The following ARPC3 variants were observed in gnomAD, a reference collection of about 807,000 sequenced individuals.
The protein encoded by ARPC3 is actin related protein 2/3 complex subunit 3.
A neutral mutation model predicts 27.6 loss-of-function variants in ARPC3; 12 were observed. The ratio of observed to expected loss-of-function variants is 0.43; its 90% CI spans 0.28 to 0.70. The LOEUF (loss-of-function observed/expected upper bound fraction) is 0.70. Among genes scored for constraint, ARPC3 ranks in the 30% least tolerant of loss-of-function variants. ARPC3 has a pLI of 0.17. For synonymous variants in ARPC3, 53 were observed against 67.2 expected, an observed-to-expected ratio of 0.79 and a Z score of 1.03; for missense variants, 153 against 207.7, an observed-to-expected ratio of 0.74 and a Z score of 1.62.
chr12:110,450,154 C>CCT, intron 1 of ARPC3, 101 bp downstream of exon 1: 3 of 1,530,144 alleles, frequency 2.0e-6, no homozygotes, highest in Non-Finnish European at 1.8e-6. Context: ...GCCCCAGCTT[C>CCT]CTCTCTGCCT....
chr12:110,440,458 C>T, intron 2 of ARPC3, 70 bp from the exon 3 acceptor site: 1 of 1,053,846 alleles, frequency 9.5e-7, no homozygotes, highest in Non-Finnish European at 1.5e-6. Flanking sequence ...CTATCAAAGC[C>T]ATAAAGGGAA....
intron 3 of ARPC3, 53 bp downstream of exon 3, chr12:110,440,259 G>T: frequency 8.3e-7 from 1 of 1,204,008 alleles, no homozygotes; most frequent in Non-Finnish European, 1.2e-6. Flanking sequence ...TAGCAAGGTT[G>T]GTATTATCCC....
At chr12:110,435,817 G>C (rs1351853376) in intron 6 of ARPC3, among the ~76,000 whole-genome samples, 1 of 151,866 alleles carries the variant, frequency 6.6e-6, no homozygotes. Context: ...TAGAGATGGG[G>C]GTTTCACCAT....
chr12:110,442,183 A>T (rs2062441413), intron 2 of ARPC3, among the ~76,000 whole-genome samples: 2 of 152,154 alleles, frequency 1.3e-5, no homozygotes, highest in South Asian at 4.1e-4. Context: ...AAAATTTTTA[A>T]TTGTCACCTT....
chr12:110,449,059 C>G (rs1348586822), intron 1 of ARPC3, among the ~76,000 whole-genome samples: 1 of 151,796 alleles, frequency 6.6e-6, no homozygotes, highest in Non-Finnish European at 1.5e-5. Context: ...CAGGCGTGAG[C>G]CACTGCGCCT....
chr12:110,445,994 T>C (rs12311902), intron 1 of ARPC3, among the ~76,000 whole-genome samples: 29,318 of 151,074 alleles, frequency 0.19, 3,977 homozygotes, highest in African/African-American at 0.39. Flanking sequence ...GTCCCAGCCA[T>C]GTGGGAGGCT....
intron 3 of ARPC3, among the ~76,000 whole-genome samples, chr12:110,439,076 C>T: frequency 6.6e-6 from 1 of 150,554 alleles, no homozygotes; most frequent in East Asian, 2.0e-4. Context: ...ACCATCACCT[C>T]CTGGGTTCAA....
At position 110,434,989 on chromosome 12, in the gene ARPC3, C is replaced by T. The variant is rs1033591243; in HGVS notation, c.*166G>A. 5 of 719,300 alleles carry T rather than the reference C, an allele frequency of 7.0e-6. No homozygotes were observed. The African/African-American group carries it at 8.7e-5, about 13-fold the overall frequency. 44.6% of individuals were successfully genotyped at this position (719,300 alleles called of 1,614,324 possible). A position where few individuals can be genotyped will look rare whatever the true frequency, so the allele number is the denominator to read the frequency against. On this transcript the variant is annotated 3_prime_UTR_variant, in exon 7 of 7. Coordinates refer to ENST00000228825, the MANE Select transcript of ARPC3 (RefSeq NM_001278556.2). ...AAAATTTCAAATCACCCTTGATAAC[C>T]CACTTTCTTTTCTCCCACCCAAATT...
chr12:110,450,148 C>T, intron 1 of ARPC3, 107 bp downstream of exon 1: 1 of 1,507,804 alleles, frequency 6.6e-7, no homozygotes, highest in Admixed American at 1.9e-5. Flanking sequence ...TCTCGGGCCC[C>T]AGCTTCCTCT....
chr12:110,450,128 C>T (rs1161679796), intron 1 of ARPC3, 127 bp downstream of exon 1: 6 of 1,373,086 alleles, frequency 4.4e-6, no homozygotes, highest in East Asian at 2.5e-5. Flanking sequence ...CCTCCCCTCG[C>T]CTCCCTCCTT....
In ARPC3 at chr12:110,436,711, T is replaced by TACACACAC. The variant is rs375877607; in HGVS notation, c.253-36_253-29dup. 3.7e-3 allele frequency: 1,408 copies of TACACACAC among 382,042 alleles called. 19 individuals are homozygous for TACACACAC. The highest frequency in any genetic ancestry group is 0.031 in the African/African-American group (1,120 of 36,422). The allele number at this position is 382,042 out of a possible 1,614,324, so 23.7% of individuals were successfully genotyped here. On this transcript the variant is annotated intron_variant, in intron 4 of 6. Transcript: ENST00000228825. ...GGAAAAAAAAATATATATATATATA[T>TACACACAC]ACACACACACACACACACACACACA...
chr12:110,443,319 C>T (rs558752090), intron 2 of ARPC3, among the ~76,000 whole-genome samples: 3 of 152,064 alleles, frequency 2.0e-5, no homozygotes, highest in African/African-American at 4.8e-5. Context: ...GGGGTTTCAC[C>T]GTGTTAGCCA....
At chr12:110,449,126 T>C (rs2135506991) in intron 1 of ARPC3, among the ~76,000 whole-genome samples, 1 of 152,202 alleles carries the variant, frequency 6.6e-6, no homozygotes, top group African/African-American at 2.4e-5. Flanking sequence ...ACCGTATGTA[T>C]CTCCTTTATT....
chr12:110,437,060 A>G (rs767818127), intron 4 of ARPC3, 24 bp downstream of exon 4: 2 of 1,510,438 alleles, frequency 1.3e-6, no homozygotes, highest in Middle Eastern at 1.7e-4. Flanking sequence ...TTTTCCTGAT[A>G]TACAATCATC....
At position 110,445,460 on chromosome 12, in the gene ARPC3, G is replaced by C. The variant is rs749251132; in HGVS notation, c.98C>G (p.Pro33Arg). The change falls in exon 2 of 7, where the codon CCC becomes CGC. Residue 33 changes from proline (P) to arginine (R), a missense_variant. Coordinates refer to ENST00000228825, the MANE Select transcript of ARPC3 (RefSeq NM_001278556.2). Reference sequence around the variant, plus strand: ...AATGGGTTTAGACTTACTCTCTCTGGGGGCAGGTCCTTTGAATTGACTTCT... The same window carrying C: ...AATGGGTTTAGACTTACTCTCTCTGCGGGCAGGTCCTTTGAATTGACTTCT... The part of the protein sequence containing the change: ...PIRSQFKGPA[P>R]RETKDTDIVD... 1.2e-6 allele frequency: 2 copies of C among 1,607,160 alleles called. No homozygotes were observed. The highest frequency in any genetic ancestry group is 4.5e-5 in the East Asian group (2 of 44,850).
chr12:110,438,072 G>A (rs1270092698), intron 3 of ARPC3, among the ~76,000 whole-genome samples: 2 of 151,058 alleles, frequency 1.3e-5, no homozygotes, highest in African/African-American at 4.9e-5. Flanking sequence ...GAGGTGGGTG[G>A]ATTGCTTGAG....
At position 110,435,137 on chromosome 12, in the gene ARPC3, T is replaced by C; in HGVS notation, c.*18A>G. 1 of 1,610,450 alleles carries C rather than the reference T, an allele frequency of 6.2e-7. No homozygotes were observed. Among genetic ancestry groups the C allele is most frequent in the Non-Finnish European group, 8.5e-7 (1 of 1,177,078 alleles). ...ATGCTGCCCAGGGCTCTGGAGACGG[T>C]GGCTGCCCGGGCTCCCTTCACTGTC... On this transcript the variant is annotated 3_prime_UTR_variant, in exon 7 of 7. Coordinates refer to ENST00000228825, the MANE Select transcript of ARPC3 (RefSeq NM_001278556.2).
intron 1 of ARPC3, among the ~76,000 whole-genome samples, chr12:110,448,015 T>C (rs1291044296): frequency 6.6e-6 from 1 of 150,806 alleles, no homozygotes; most frequent in Non-Finnish European, 1.5e-5. Context: ...CTTGAGAGGC[T>C]GGGAGGACAT....
At chr12:110,446,903 G>A (rs1474440069) in intron 1 of ARPC3, among the ~76,000 whole-genome samples, 5 of 152,064 alleles carry the variant, frequency 3.3e-5, no homozygotes, top group Admixed American at 1.3e-4. Context: ...CACTGCACCC[G>A]GCAATAACCT....
Sources: gnomAD v4.1 joint callset for allele counts (sites outside exome capture counted in the v4.1 genomes callset) on GRCh38, gnomAD v4.1.1 for gene constraint, MANE v1.5 for transcripts, NCBI Gene and HGNC (gene_info 2026-07-23, HGNC 2026-07-21) for gene names.